Variants in SEZ6L observed in about 807,000 individuals in gnomAD.
SEZ6L encodes seizure 6-like protein.
SEZ6L carries 37 observed loss-of-function variants against 106.2 expected under a neutral mutation model. The observed-to-expected ratio is 0.35, with a 90% confidence interval of 0.27 to 0.46. The LOEUF (loss-of-function observed/expected upper bound fraction) is 0.46, where lower values mean the gene tolerates loss of function less well. SEZ6L is among the 20% of genes least tolerant of loss of function. The pLI is 1.00. For synonymous variants in SEZ6L, 541 were observed against 570.4 expected (o/e 0.95, Z 0.73); for missense variants, 1,172 against 1,332.8 (o/e 0.88, Z 1.88).
At position 26,380,319 on chromosome 22, in the gene SEZ6L, A is replaced by G. The variant is rs1296350221; in HGVS notation, c.*24A>G. 1.9e-6 allele frequency: 3 copies of G among 1,604,252 alleles called. No individual in the cohort carries two copies. Among genetic ancestry groups the G allele is most frequent in the South Asian group, 1.1e-5 (1 of 90,788 alleles). The stretch of plus-strand genomic sequence containing the variant: ...AAAGAGAGCTACACTTGAGAAGGGG[A>G]CTTGTGAACTCAACCACAATCTCCT... On this transcript the variant is annotated 3_prime_UTR_variant, in exon 17 of 17. Coordinates refer to ENST00000248933, the MANE Select transcript of SEZ6L (RefSeq NM_021115.5).
At chr22:26,342,362 T>G (rs1430520302) in intron 10 of SEZ6L, among the ~76,000 whole-genome samples, 1 of 152,132 alleles carries the variant, frequency 6.6e-6, no homozygotes, top group African/African-American at 2.4e-5. Context: ...CAAGATTCCA[T>G]GTCTTTGGTT....
At chr22:26,182,255 C>G (rs17299838) in intron 1 of SEZ6L, among the ~76,000 whole-genome samples, 10,704 of 152,278 alleles carry the variant, frequency 0.07, 475 homozygotes, top group Non-Finnish European at 0.11. Flanking sequence ...AAACTCCTCA[C>G]GTCTAGGTCA....
intron 1 of SEZ6L, 103 bp from the exon 2 acceptor site, chr22:26,292,287 TAGAGGCCAGCCGGACG>T: frequency 1.4e-6 from 1 of 702,392 alleles, no homozygotes; most frequent in South Asian, 1.9e-5. Flanking sequence ...GAAGTTGGTT[TAGAGGCCAGCCGGACG>T]AGCTTTGGGC....
At chr22:26,211,415 T>C (rs1267004923) in intron 1 of SEZ6L, among the ~76,000 whole-genome samples, 1 of 152,096 alleles carries the variant, frequency 6.6e-6, no homozygotes, top group Non-Finnish European at 1.5e-5. Context: ...ACCACCCACC[T>C]CAGGTCCTAG....
intron 7 of SEZ6L, 122 bp from the exon 8 acceptor site, chr22:26,311,646 A>C: frequency 1.2e-6 from 1 of 852,556 alleles, no homozygotes. Context: ...CAGGACACGT[A>C]ATTTGGTACC....
Position 26,216,427 on chromosome 22 carries a change from G to C in SEZ6L, c.94+46664G>C, listed in dbSNP as rs140640022. ...TCCCAGCACTTTAGGAGGCTGAGGC[G>C]GGAAGATCACTTGAGATCAGGAGTT... On this transcript the variant is annotated intron_variant, in intron 1 of 16. Transcript: ENST00000248933. Among the ~76,000 whole-genome samples the C allele has an allele frequency of 3.6e-3, 545 of 152,192 alleles. 3 individuals are homozygous for C. Among genetic ancestry groups the C allele is most frequent in the African/African-American group, 0.012 (481 of 41,518 alleles).
intron 1 of SEZ6L, among the ~76,000 whole-genome samples, chr22:26,259,992 C>T (rs2079946787): frequency 6.6e-6 from 1 of 152,122 alleles, no homozygotes; most frequent in East Asian, 1.9e-4. Context: ...GAAATCATTA[C>T]AACTACCCAC....
At chr22:26,344,718 CAAACAAACA>C (rs1350183810) in intron 10 of SEZ6L, among the ~76,000 whole-genome samples, 2 of 152,176 alleles carry the variant, frequency 1.3e-5, no homozygotes, top group African/African-American at 4.8e-5. Context: ...ATATCTCAGT[CAAACAAACA>C]AACGAATCCA....
chr22:26,352,566 T>C (rs2083316256), intron 12 of SEZ6L, among the ~76,000 whole-genome samples: 1 of 152,336 alleles, frequency 6.6e-6, no homozygotes, highest in East Asian at 1.9e-4. Context: ...TTCTCACAAG[T>C]ACCTAAAACA....
At chr22:26,360,753 C>T (rs977680016) in intron 12 of SEZ6L, among the ~76,000 whole-genome samples, 2 of 152,110 alleles carry the variant, frequency 1.3e-5, no homozygotes, top group Non-Finnish European at 2.9e-5. Flanking sequence ...CTGTAATGAC[C>T]CGGTAACTGT....
At chr22:26,276,176 C>G (rs1362668984) in intron 1 of SEZ6L, among the ~76,000 whole-genome samples, 4 of 152,210 alleles carry the variant, frequency 2.6e-5, no homozygotes, top group East Asian at 1.9e-4. Context: ...ACCAATTAAG[C>G]CTTGCATTTG....
intron 1 of SEZ6L, among the ~76,000 whole-genome samples, chr22:26,190,883 T>C (rs1313829611): frequency 1.3e-5 from 2 of 152,228 alleles, no homozygotes; most frequent in African/African-American, 4.8e-5. Flanking sequence ...TGTGTGCTAA[T>C]AATAAAATGA....
intron 1 of SEZ6L, among the ~76,000 whole-genome samples, chr22:26,226,530 A>G (rs1420550111): frequency 1.3e-5 from 2 of 152,202 alleles, no homozygotes; most frequent in Non-Finnish European, 2.9e-5. Context: ...CAGTGCCCTT[A>G]TCTCAGCTAG....
intron 1 of SEZ6L, among the ~76,000 whole-genome samples, chr22:26,186,237 T>C (rs1939771975): frequency 6.6e-6 from 1 of 152,064 alleles, no homozygotes; most frequent in East Asian, 1.9e-4. Flanking sequence ...GTTTGGGGCA[T>C]TTGAACAACT....
intron 14 of SEZ6L, among the ~76,000 whole-genome samples, chr22:26,374,177 A>G (rs1568957620): frequency 6.6e-6 from 1 of 152,118 alleles, no homozygotes; most frequent in Admixed American, 6.6e-5. Context: ...ATACTGTAAT[A>G]TATTACTGCA....
At chr22:26,376,988 G>T (rs889274673) in intron 15 of SEZ6L, among the ~76,000 whole-genome samples, 12 of 151,782 alleles carry the variant, frequency 7.9e-5, no homozygotes, top group African/African-American at 2.9e-4. Flanking sequence ...CCTTTAAATA[G>T]ATGGTCAGGG....
chr22:26,380,201 A>G (rs1486445038), intron 16 of SEZ6L, 65 bp from the exon 17 acceptor site: 1 of 1,497,354 alleles, frequency 6.7e-7, no homozygotes, highest in Non-Finnish European at 9.3e-7. Flanking sequence ...AAAGAACTGC[A>G]TCCCCCTATG....
chr22:26,374,985 C>G (rs1156413636), intron 14 of SEZ6L, among the ~76,000 whole-genome samples: 4 of 152,126 alleles, frequency 2.6e-5, no homozygotes, highest in African/African-American at 9.7e-5. Flanking sequence ...AGAGCCCACT[C>G]GTGGACTGGA....
At chr22:26,349,810 A>G (rs527791171) in intron 11 of SEZ6L, among the ~76,000 whole-genome samples, 4 of 152,274 alleles carry the variant, frequency 2.6e-5, no homozygotes, top group South Asian at 4.1e-4. Context: ...AACTTCCTGC[A>G]TCTGCTTTTT....
Sources: allele counts gnomAD v4.1 joint callset (sites outside exome capture counted in the v4.1 genomes callset), GRCh38; gene constraint gnomAD v4.1.1; transcripts MANE v1.5; gene names NCBI Gene and HGNC (gene_info 2026-07-23, HGNC 2026-07-21).